CDK17: variants seen among roughly 807,000 people sequenced by gnomAD.
The protein encoded by CDK17 is cyclin dependent kinase 17.
Under a neutral mutation model 77.6 loss-of-function variants are expected in CDK17, and 24 were observed. The observed-to-expected ratio is 0.31, with a 90% CI of 0.22 to 0.44. The LOEUF (loss-of-function observed/expected upper bound fraction) is 0.44, where lower values mean the gene tolerates loss of function less well. Ranked by LOEUF, CDK17 falls within the 20% of genes least tolerant of loss-of-function variation. The pLI is 1.00. For synonymous variants in CDK17, 203 were observed against 210.4 expected, an observed-to-expected ratio of 0.96 and a Z score of 0.30; for missense variants, 429 against 622.5, an observed-to-expected ratio of 0.69 and a Z score of 3.31.
At position 96,322,222 on chromosome 12, in the gene CDK17, C is replaced by A. The variant is rs188561179; in HGVS notation, c.283+1726G>T. Among the ~76,000 whole-genome samples the A allele has an allele frequency of 1.2e-4, 18 of 152,256 alleles. No individual in the cohort carries two copies. In the East Asian group the frequency reaches 3.1e-3, roughly 26 times the overall value. On this transcript the variant is annotated intron_variant, in intron 3 of 16. Coordinates refer to ENST00000261211, the MANE Select transcript of CDK17 (RefSeq NM_002595.5). ...TGTCAAGGGGGGAAGAGGGATATCT[C>A]TCTGCTGATCAGGTAATGTAACAGC...
rs545363667 is a variant in CDK17, at chr12:96,334,442, C to A, written c.118+277G>T. Among the ~76,000 whole-genome samples the A allele has an allele frequency of 1.2e-4, 19 of 152,124 alleles. No individual in the cohort carries two copies. In the East Asian group the frequency reaches 3.7e-3, roughly 29 times the overall value. ...ACAATCAAGATAATATTATAAAATGCATTCTTCTTTAAGAACTAGTGAAAA... is the reference window on the plus strand; with the variant it reads ...ACAATCAAGATAATATTATAAAATGAATTCTTCTTTAAGAACTAGTGAAAA... On this transcript the variant is annotated intron_variant, in intron 2 of 16. Transcript: ENST00000261211.
At chr12:96,345,745 A>C (rs1953198825) in intron 1 of CDK17, among the ~76,000 whole-genome samples, 1 of 152,172 alleles carries the variant, frequency 6.6e-6, no homozygotes, top group South Asian at 2.1e-4. Context: ...GTTAACTATA[A>C]TCCTCAAGGT....
Position 96,332,836 on chromosome 12 carries a change from CAAAT to C in CDK17, c.118+1879_118+1882del, listed in dbSNP as rs1488923415. Among the ~76,000 whole-genome samples the C allele has an allele frequency of 2.0e-5, 3 of 152,164 alleles. No homozygotes were observed. In the East Asian group the frequency reaches 5.8e-4, roughly 29 times the overall value. On this transcript the variant is annotated intron_variant, in intron 2 of 16. Transcript: ENST00000261211. ...AAAAAACATATACAACTTGAGAAAA[CAAAT>C]ATTTTTAATCTTTCACCATTTGTTA...
At position 96,278,652 on chromosome 12, in the gene CDK17, G is replaced by C. The variant is rs760816317; in HGVS notation, c.*1590C>G. The C allele has an allele frequency of 6.6e-6, 1 of 152,508 alleles. No homozygotes were observed. The highest frequency in any genetic ancestry group is 1.9e-4 in the East Asian group (1 of 5,200). 9.4% of individuals were successfully genotyped at this position (152,508 alleles called of 1,614,324 possible). Reference sequence around the variant, plus strand: ...CAAAGTACAATATTAATACATGTCTGTCAGTTAGAAAGAACAGCAGTTTGT... The same window carrying C: ...CAAAGTACAATATTAATACATGTCTCTCAGTTAGAAAGAACAGCAGTTTGT... On this transcript the variant is annotated 3_prime_UTR_variant, in exon 17 of 17. Coordinates refer to ENST00000261211, the MANE Select transcript of CDK17 (RefSeq NM_002595.5).
chr12:96,330,562 T>C (rs1952952603), intron 2 of CDK17, among the ~76,000 whole-genome samples: 1 of 152,208 alleles, frequency 6.6e-6, no homozygotes, highest in African/African-American at 2.4e-5. Context: ...ACCACTCATC[T>C]ACTTTTTGTC....
chr12:96,331,561 T>C (rs1178962841), intron 2 of CDK17, among the ~76,000 whole-genome samples: 4 of 152,122 alleles, frequency 2.6e-5, no homozygotes, highest in South Asian at 2.1e-4. Flanking sequence ...TTTCTATAAA[T>C]AGACAAAGTA....
At chr12:96,297,174 C>A in intron 9 of CDK17, 96 bp downstream of exon 9, 3 of 690,198 alleles carry the variant, frequency 4.3e-6, no homozygotes, top group Non-Finnish European at 7.0e-6. Context: ...AACAGAAAAC[C>A]CTGAAGAAGA....
At chr12:96,338,142 C>T (rs1953071643) in intron 1 of CDK17, among the ~76,000 whole-genome samples, 1 of 152,188 alleles carries the variant, frequency 6.6e-6, no homozygotes, top group Non-Finnish European at 1.5e-5. Flanking sequence ...CATATGAGCA[C>T]TCCATGCCTA....
At chr12:96,347,525 TC>T (rs1209882688) in intron 1 of CDK17, among the ~76,000 whole-genome samples, 2 of 144,724 alleles carry the variant, frequency 1.4e-5, no homozygotes, top group African/African-American at 5.1e-5. Context: ...AGGATCACAC[TC>T]CAGCCTGGAC....
intron 1 of CDK17, among the ~76,000 whole-genome samples, chr12:96,368,500 G>C (rs937251997): frequency 2.0e-5 from 3 of 152,166 alleles, no homozygotes; most frequent in Non-Finnish European, 4.4e-5. Flanking sequence ...GAGGCAGCCA[G>C]CAAAAGAGCT....
chr12:96,289,135 T>C, intron 11 of CDK17, 32 bp downstream of exon 11: 2 of 1,609,914 alleles, frequency 1.2e-6, no homozygotes, highest in Non-Finnish European at 1.7e-6. Flanking sequence ...CTTTCAAAAT[T>C]ATAAATGTCA....
intron 1 of CDK17, among the ~76,000 whole-genome samples, chr12:96,388,746 G>C (rs1424268218): frequency 2.0e-5 from 3 of 152,144 alleles, no homozygotes; most frequent in Non-Finnish European, 2.9e-5. Flanking sequence ...AAAGAAAAGA[G>C]GTTTAATTGC....
chr12:96,286,670 G>C lies in CDK17; in HGVS notation c.1210C>G (p.Leu404Val). The C allele has an allele frequency of 1.2e-6, 2 of 1,611,004 alleles. No individual in the cohort carries two copies. Among genetic ancestry groups the C allele is most frequent in the Non-Finnish European group, 1.7e-6 (2 of 1,177,356 alleles). ...AAAAGATTTCTTCTGTTACCTAGCAGTCGGAAAATTAAGTGCAGTTCATCT... is the reference window on the plus strand; with the variant it reads ...AAAAGATTTCTTCTGTTACCTAGCACTCGGAAAATTAAGTGCAGTTCATCT... ...VEDELHLIFRLLGTPSQETWP... is the reference protein window; with the variant it reads ...VEDELHLIFRVLGTPSQETWP... Residue 404 changes from leucine to valine, a missense_variant, in exon 12 of 17, where the codon CTG (leucine) becomes GTG (valine). Leu to Val is a conservative substitution (Grantham distance 32, BLOSUM62 1). Transcript: ENST00000261211.
In CDK17 at chr12:96,313,543, G is replaced by A. The variant is rs571342368; in HGVS notation, c.284-89C>T. On this transcript the variant is annotated intron_variant, in intron 3 of 16. Coordinates refer to ENST00000261211, the MANE Select transcript of CDK17 (RefSeq NM_002595.5). ...TATGGGTAAAATATAGAAGGCCAAC[G>A]AGTAAAAATCACAGCATAAAAAGTC... is the stretch of plus-strand genomic sequence containing the variant. The A allele has an allele frequency of 8.6e-6, 6 of 697,516 alleles. No homozygotes were observed. In the South Asian group the frequency reaches 1.2e-4, roughly 14 times the overall value. The allele number at this position is 697,516 out of a possible 1,614,324, so 43.2% of individuals were successfully genotyped here.
chr12:96,361,639 C>T (rs376388169), intron 1 of CDK17, among the ~76,000 whole-genome samples: 2 of 152,088 alleles, frequency 1.3e-5, no homozygotes, highest in Non-Finnish European at 1.5e-5. Context: ...ATAATCAATA[C>T]CAAAATAACG....
chr12:96,307,499 C>T (rs564273761), intron 5 of CDK17, among the ~76,000 whole-genome samples: 2 of 152,244 alleles, frequency 1.3e-5, no homozygotes, highest in African/African-American at 4.8e-5. Context: ...AAAATTTATC[C>T]TAAGTACCAA....
intron 1 of CDK17, among the ~76,000 whole-genome samples, chr12:96,357,270 G>A (rs550945031): frequency 6.6e-6 from 1 of 152,078 alleles, no homozygotes; most frequent in Non-Finnish European, 1.5e-5. Context: ...GACTAGCCTA[G>A]GCAACACAGT....
chr12:96,398,274 C>T (rs1255207068), intron 1 of CDK17, among the ~76,000 whole-genome samples: 2 of 152,122 alleles, frequency 1.3e-5, no homozygotes, highest in Admixed American at 6.5e-5. Flanking sequence ...CCCTTAGTCA[C>T]ATTTTCTTTT....
chr12:96,385,763 T>G (rs1478411797), intron 1 of CDK17, among the ~76,000 whole-genome samples: 1 of 152,164 alleles, frequency 6.6e-6, no homozygotes, highest in Non-Finnish European at 1.5e-5. Flanking sequence ...TGATTATACA[T>G]TCTCACATTT....
Sources: allele counts gnomAD v4.1 joint callset (sites outside exome capture counted in the v4.1 genomes callset), GRCh38; gene constraint gnomAD v4.1.1; transcripts MANE v1.5; gene names NCBI Gene and HGNC (gene_info 2026-07-23, HGNC 2026-07-21).